Variants in SNX29 observed in about 807,000 individuals in gnomAD.
The protein encoded by SNX29 is sorting nexin 29.
A neutral mutation model predicts 102.1 loss-of-function variants in SNX29; 78 were observed. The observed-to-expected ratio is 0.76, with a 90% CI of 0.64 to 0.92. The LOEUF (loss-of-function observed/expected upper bound fraction) is 0.92. Among genes scored for constraint, SNX29 ranks in the 40% least tolerant of loss-of-function variants. SNX29 has a pLI of 0.00. For synonymous variants in SNX29, 580 were observed against 414.5 expected, an observed-to-expected ratio of 1.40 and a Z score of -4.85; for missense variants, 1,280 against 1,061.7, an observed-to-expected ratio of 1.21 and a Z score of -2.86.
At chr16:12,257,692 T>C (rs1173910705) in intron 14 of SNX29, among the ~76,000 whole-genome samples, 13 of 16,878 alleles carry the variant, frequency 7.7e-4, no homozygotes, top group Admixed American at 5.5e-3. Context: ...TATTTAAAAT[T>C]TTTTTTTTTT....
At chr16:12,242,588 CTCT>C (rs1041096584) in intron 14 of SNX29, among the ~76,000 whole-genome samples, 9 of 148,476 alleles carry the variant, frequency 6.1e-5, no homozygotes, top group Non-Finnish European at 8.9e-5. Context: ...TTTTCTTCTT[CTCT>C]TCTTCTTCTC....
intron 20 of SNX29, among the ~76,000 whole-genome samples, chr16:12,558,105 T>C (rs2078485241): frequency 6.6e-6 from 1 of 152,204 alleles, no homozygotes; most frequent in Non-Finnish European, 1.5e-5. Flanking sequence ...ACGGGGCAAC[T>C]GAGAATTAGA....
chr16:12,137,646 C>T (rs1168745607), intron 13 of SNX29, among the ~76,000 whole-genome samples: 1 of 152,214 alleles, frequency 6.6e-6, no homozygotes, highest in Non-Finnish European at 1.5e-5. Context: ...GAGGGTCAGC[C>T]TCTGCCTTCC....
chr16:12,052,868 C>T (rs1476920900), intron 8 of SNX29: 2 of 153,984 alleles, frequency 1.3e-5, no homozygotes, highest in African/African-American at 4.8e-5. Flanking sequence ...ATTTTCCTTG[C>T]ATCTGACTTG....
chr16:12,180,801 G>A (rs1422614270), intron 13 of SNX29, among the ~76,000 whole-genome samples: 2 of 152,116 alleles, frequency 1.3e-5, no homozygotes, highest in African/African-American at 4.8e-5. Flanking sequence ...TTCTCTTTAT[G>A]TGTAGTTAGG....
chr16:12,384,327 A>G (rs1172400523), intron 16 of SNX29, among the ~76,000 whole-genome samples: 4 of 152,188 alleles, frequency 2.6e-5, no homozygotes, highest in Non-Finnish European at 5.9e-5. Context: ...GTGAATTTAC[A>G]TTCCCATCAA....
At chr16:12,307,535 T>C (rs976169966) in intron 15 of SNX29, among the ~76,000 whole-genome samples, 5 of 152,250 alleles carry the variant, frequency 3.3e-5, no homozygotes, top group Admixed American at 2.0e-4. Context: ...CACTTTATTC[T>C]GTGTCTGGAC....
At chr16:12,408,305 C>T (rs1372567329) in intron 18 of SNX29, among the ~76,000 whole-genome samples, 1 of 152,246 alleles carries the variant, frequency 6.6e-6, no homozygotes, top group Non-Finnish European at 1.5e-5. Context: ...GGCAGGCCTG[C>T]AGCCAAGCCA....
intron 16 of SNX29, among the ~76,000 whole-genome samples, chr16:12,389,494 T>C (rs531293044): frequency 8.7e-4 from 133 of 152,332 alleles, no homozygotes; most frequent in African/African-American, 2.2e-3. Flanking sequence ...TGACTTGCTC[T>C]TCCTTGCCTT....
intron 20 of SNX29, among the ~76,000 whole-genome samples, chr16:12,542,534 G>T (rs539272027): frequency 2.6e-5 from 4 of 152,156 alleles, no homozygotes; most frequent in East Asian, 1.9e-4. Context: ...GTTTCACCAC[G>T]TTGGCCAGGC....
At chr16:12,264,002 C>T (rs17675037) in intron 14 of SNX29, among the ~76,000 whole-genome samples, 5,163 of 152,300 alleles carry the variant, frequency 0.034, 152 homozygotes, top group Non-Finnish European at 0.058. Context: ...GCATGCTTTC[C>T]GGACCAGGCA....
intron 20 of SNX29, among the ~76,000 whole-genome samples, chr16:12,543,371 G>T (rs567591147): frequency 6.6e-6 from 1 of 152,280 alleles, no homozygotes; most frequent in African/African-American, 2.4e-5. Context: ...TAAGCTCATG[G>T]ACTGAACATG....
At chr16:12,228,490 C>T (rs2077680358) in intron 14 of SNX29, among the ~76,000 whole-genome samples, 1 of 141,222 alleles carries the variant, frequency 7.1e-6, no homozygotes, top group African/African-American at 3.2e-5. Flanking sequence ...TCACTCTTAC[C>T]CCTTTCTTTA....
intron 10 of SNX29, among the ~76,000 whole-genome samples, chr16:12,073,162 A>G (rs1051212861): frequency 5.3e-5 from 8 of 151,396 alleles, no homozygotes; most frequent in Non-Finnish European, 1.0e-4. Flanking sequence ...TTGTGTCTCT[A>G]TTTCCTTCAG....
At chr16:12,562,775 C>G (rs375899919) in intron 20 of SNX29, among the ~76,000 whole-genome samples, 2 of 152,266 alleles carry the variant, frequency 1.3e-5, no homozygotes, top group South Asian at 2.1e-4. Flanking sequence ...GCTTGGAGTC[C>G]TTTAGCCATC....
chr16:12,119,851 ATGCT>A (rs2053898231), intron 11 of SNX29, among the ~76,000 whole-genome samples: 1 of 152,216 alleles, frequency 6.6e-6, no homozygotes, highest in Non-Finnish European at 1.5e-5. Flanking sequence ...AAGTGTAATC[ATGCT>A]TGCTTCTCAG....
chr16:12,063,298 ATCTT>A (rs2050856932), intron 9 of SNX29, among the ~76,000 whole-genome samples: 1 of 147,470 alleles, frequency 6.8e-6, no homozygotes, highest in Non-Finnish European at 1.5e-5. Flanking sequence ...GGGTGCTGTC[ATCTT>A]TCTTATGTGG....
intron 14 of SNX29, among the ~76,000 whole-genome samples, chr16:12,274,403 C>G (rs946701884): frequency 4.6e-5 from 7 of 152,204 alleles, no homozygotes; most frequent in African/African-American, 1.7e-4. Context: ...GCTGGACATT[C>G]ATTGAACTCT....
intron 19 of SNX29, among the ~76,000 whole-genome samples, chr16:12,512,369 AATATATAT>A (rs58157322): frequency 0.049 from 2,109 of 43,432 alleles, 121 homozygotes; most frequent in East Asian, 0.095. Flanking sequence ...GCCCAGGGAA[AATATATAT>A]ATATATATAT....
Sources: gnomAD v4.1 joint callset for allele counts (sites outside exome capture counted in the v4.1 genomes callset) on GRCh38, gnomAD v4.1.1 for gene constraint, MANE v1.5 for transcripts, NCBI Gene and HGNC (gene_info 2026-07-23, HGNC 2026-07-21) for gene names.